Variants in DPEP1 observed in about 807,000 individuals in gnomAD.
DPEP1 encodes the protein dipeptidase 1.
In DPEP1, 50 loss-of-function variants were observed where a neutral mutation model predicts 42.3. That is an observed-to-expected ratio of 1.18 (90% CI 0.94 to 1.50). DPEP1 has a LOEUF of 1.50. Ranked by LOEUF, DPEP1 falls within the 40% of genes most tolerant of loss-of-function variation. The pLI is 0.00. For missense variants in DPEP1, 663 were observed against 553.0 expected, an observed-to-expected ratio of 1.20 and a Z score of -1.99; for synonymous variants, 297 against 234.0, an observed-to-expected ratio of 1.27 and a Z score of -2.46.
At chr16:89,631,322 C>T (rs902569163) in intron 2 of DPEP1, among the ~76,000 whole-genome samples, 2 of 152,230 alleles carry the variant, frequency 1.3e-5, no homozygotes, top group African/African-American at 4.8e-5. Flanking sequence ...CCCGGGAATC[C>T]GACCCTCTTC....
rs746299372 is a variant in DPEP1, at chr16:89,637,901, A to G, written c.995A>G (p.Asn332Ser). The G allele has an allele frequency of 1.2e-5, 19 of 1,612,406 alleles. No individual in the cohort carries two copies. The highest frequency in any genetic ancestry group is 1.6e-5 in the Non-Finnish European group (19 of 1,179,794). The change falls in exon 10 of 11, where the codon AAC becomes AGC. Residue 332 changes from asparagine (N) to serine (S), a missense_variant. By Grantham distance (46) the Asn-to-Ser change is conservative. Transcript: ENST00000690203. ...PDLIAELLRR[N>S]WTEAEVKGAL... Reference sequence around the variant, plus strand: ...CTGATCGCTGAGCTGCTCAGGAGGAACTGGACGGAGGCGGAGGTCAAGGGC... The same window carrying G: ...CTGATCGCTGAGCTGCTCAGGAGGAGCTGGACGGAGGCGGAGGTCAAGGGC...
intron 5 of DPEP1, 38 bp from the exon 6 acceptor site, chr16:89,636,828 C>A: frequency 6.2e-7 from 1 of 1,611,004 alleles, no homozygotes. Flanking sequence ...GCCGAGACCA[C>A]CGCTCACCTC....
intron 1 of DPEP1, among the ~76,000 whole-genome samples, chr16:89,623,176 G>A (rs1190891735): frequency 6.6e-6 from 1 of 152,034 alleles, no homozygotes; most frequent in Admixed American, 6.6e-5. Flanking sequence ...CGTGGTGGCA[G>A]TTGCTTTAAA....
chr16:89,633,019 G>GGGTCCTA (rs2059609403), intron 2 of DPEP1, among the ~76,000 whole-genome samples: 2 of 152,122 alleles, frequency 1.3e-5, no homozygotes, highest in African/African-American at 4.8e-5. Context: ...GCGGCTCCTG[G>GGGTCCTA]GGTCCTAGGA....
downstream of DPEP1, among the ~76,000 whole-genome samples, chr16:89,638,719 GCA>G (rs373543632): frequency 0.03 from 1,394 of 46,856 alleles, 32 homozygotes; most frequent in African/African-American, 0.07. Context: ...CCGCACCCCT[GCA>G]CACACACACA....
intron 2 of DPEP1, among the ~76,000 whole-genome samples, chr16:89,635,387 C>T (rs1311984479): frequency 2.0e-5 from 3 of 152,190 alleles, no homozygotes; most frequent in African/African-American, 4.8e-5. Flanking sequence ...TGGGTAGCCC[C>T]CAAAGCCTGT....
At chr16:89,636,735 C>T in intron 5 of DPEP1, 52 bp downstream of exon 5, 2 of 1,604,834 alleles carry the variant, frequency 1.2e-6, no homozygotes, top group Non-Finnish European at 1.7e-6. Flanking sequence ...AGGGAGGGGG[C>T]AGACACTCCC....
intron 6 of DPEP1, 67 bp from the exon 7 acceptor site, chr16:89,637,137 C>T: frequency 1.2e-5 from 19 of 1,567,520 alleles, no homozygotes; most frequent in Non-Finnish European, 1.6e-5. Context: ...ACATCTGGTC[C>T]AGCCCGTCCA....
At chr16:89,626,209 C>A (rs2059509627) in intron 1 of DPEP1, among the ~76,000 whole-genome samples, 1 of 152,198 alleles carries the variant, frequency 6.6e-6, no homozygotes, top group African/African-American at 2.4e-5. Context: ...GTGTCCCCAC[C>A]CAAATCTCAT....
At chr16:89,624,040 A>T (rs1468452693) in intron 1 of DPEP1, among the ~76,000 whole-genome samples, 1 of 152,166 alleles carries the variant, frequency 6.6e-6, no homozygotes, top group East Asian at 1.9e-4. Flanking sequence ...CCTGAGGGAC[A>T]AAGGTTTCCC....
chr16:89,622,556 C>T (rs1162355866), intron 1 of DPEP1, among the ~76,000 whole-genome samples: 2 of 152,016 alleles, frequency 1.3e-5, no homozygotes, highest in Non-Finnish European at 2.9e-5. Context: ...GAGGCCGAGG[C>T]GGGTGGATCA....
In DPEP1 at chr16:89,614,656, G is replaced by A. The variant is rs187484942; in HGVS notation, c.-107+937G>A. 6.8e-3 allele frequency among the ~76,000 whole-genome samples: 1,032 copies of A among 152,278 alleles called. 8 individuals carry two copies. The highest frequency in any genetic ancestry group is 0.022 in the African/African-American group (933 of 41,542). On this transcript the variant is annotated intron_variant, in intron 1 of 10. Transcript: ENST00000690203. ...AAAAAATACAAAAAATTAGCCGGGC[G>A]TGGTGGCGGGCGCCTGTAGTCCCAG...
At chr16:89,638,012 C>T (rs370271322) in intron 10 of DPEP1, 40 bp from the exon 11 acceptor site, 120 of 1,609,330 alleles carry the variant, frequency 7.5e-5, no homozygotes, top group Middle Eastern at 4.9e-4. Flanking sequence ...CCACCACCAC[C>T]AGCAGGCAGG....
At chr16:89,638,517 T>C (rs1440241927), downstream of DPEP1, 3 of 1,222,220 alleles carry the variant, frequency 2.5e-6, no homozygotes, top group African/African-American at 3.1e-5. Flanking sequence ...GGGGCACTCC[T>C]GTGATCCTGG....
At chr16:89,625,125 C>T (rs1173673312) in intron 1 of DPEP1, among the ~76,000 whole-genome samples, 2 of 152,050 alleles carry the variant, frequency 1.3e-5, no homozygotes, top group African/African-American at 4.8e-5. Flanking sequence ...GAAGTTTTTC[C>T]TGGATTCAGC....
intron 2 of DPEP1, among the ~76,000 whole-genome samples, chr16:89,631,990 A>G (rs1405282291): frequency 6.6e-6 from 1 of 152,064 alleles, no homozygotes; most frequent in Non-Finnish European, 1.5e-5. Flanking sequence ...GGGAGGAGGG[A>G]GACATAAAGA....
rs200595380 is a variant in DPEP1 at position 89,634,577 on chromosome 16, TC to T, written c.105-1327del. 1.5e-4 allele frequency among the ~76,000 whole-genome samples: 11 copies of T among 71,046 alleles called. 1 individual carries two copies. The highest frequency in any genetic ancestry group is 7.2e-4 in the African/African-American group (9 of 12,514). The allele number at this position is 71,046 out of a possible 152,430, so 46.6% of individuals were successfully genotyped here. The stretch of plus-strand genomic sequence containing the variant: ...CTTCTCCTTTCCCTTCCTTCTCCTT[TC>T]CCCTTCCTTCTCCTTTCCCTTCCTT... On this transcript the variant is annotated intron_variant, in intron 2 of 10. Transcript: ENST00000690203.
At chr16:89,635,757 G>A (rs761865037) in intron 2 of DPEP1, 151 bp from the exon 3 acceptor site, 73 of 1,121,924 alleles carry the variant, frequency 6.5e-5, no homozygotes, top group Non-Finnish European at 7.9e-5. Flanking sequence ...TCAGGTGGCC[G>A]GTGATATGTC....
At chr16:89,622,100 G>C (rs2059453233) in intron 1 of DPEP1, among the ~76,000 whole-genome samples, 1 of 152,146 alleles carries the variant, frequency 6.6e-6, no homozygotes, top group South Asian at 2.1e-4. Flanking sequence ...GGGCCTCGGT[G>C]CACCCATCTC....
Sources: gnomAD v4.1 joint callset for allele counts (sites outside exome capture counted in the v4.1 genomes callset) on GRCh38, gnomAD v4.1.1 for gene constraint, MANE v1.5 for transcripts, NCBI Gene and HGNC (gene_info 2026-07-23, HGNC 2026-07-21) for gene names.